RUFY1: variants seen among roughly 807,000 people sequenced by gnomAD.
The protein encoded by RUFY1 is RUN and FYVE domain-containing protein 1.
In RUFY1, 54 loss-of-function variants were observed where a neutral mutation model predicts 94.6. The ratio of observed to expected loss-of-function variants is 0.57; its 90% CI spans 0.46 to 0.72. The LOEUF is 0.72. Ranked by LOEUF, RUFY1 falls within the 30% of genes least tolerant of loss-of-function variation. The pLI is 0.00. For synonymous variants in RUFY1, 396 were observed against 347.3 expected (o/e 1.14, Z -1.56); for missense variants, 883 against 883.9 (o/e 1.00, Z 0.01).
At chr5:179,568,810 G>T (rs1435114358) in intron 4 of RUFY1, among the ~76,000 whole-genome samples, 1 of 152,164 alleles carries the variant, frequency 6.6e-6, no homozygotes, top group Non-Finnish European at 1.5e-5. Flanking sequence ...AGCAATATCA[G>T]GCAGGGGATG....
intron 8 of RUFY1, chr5:179,589,280 AGCAATAT>A (rs1425941485): frequency 2.5e-6 from 1 of 395,238 alleles, no homozygotes; most frequent in African/African-American, 2.1e-5. Flanking sequence ...GTCCACATTC[AGCAATAT>A]GCTATCATTT....
chr5:179,563,998 AAGTCT>A (rs1399329915), intron 3 of RUFY1, among the ~76,000 whole-genome samples: 1 of 151,928 alleles, frequency 6.6e-6, no homozygotes, highest in East Asian at 1.9e-4. Flanking sequence ...TGAGCCTCTC[AAGTCT>A]ACTGCCCTGC....
chr5:179,594,079 A>AGGTG (rs1581525975), intron 11 of RUFY1, among the ~76,000 whole-genome samples: 2 of 151,800 alleles, frequency 1.3e-5, no homozygotes, highest in South Asian at 2.1e-4. Flanking sequence ...CCGAGCGGGC[A>AGGTG]GATCACGAGG....
In RUFY1 at chr5:179,550,704, C is replaced by T. The variant is rs773509920; in HGVS notation, c.135C>T (p.Pro45=). The T allele has an allele frequency of 2.0e-6, 3 of 1,490,242 alleles. No individual in the cohort carries two copies. Among genetic ancestry groups the T allele is most frequent in the African/African-American group, 2.9e-5 (2 of 68,686 alleles). 92.3% of individuals were successfully genotyped at this position (1,490,242 alleles called of 1,614,324 possible). Residue 45 remains proline (P), a synonymous_variant, in exon 1 of 18, where the codon CCC becomes CCT. Coordinates refer to ENST00000319449, the MANE Select transcript of RUFY1 (RefSeq NM_025158.5). The part of the protein sequence containing the change: ...EFEIVDRSQL[P]GPGDLRSATR... ...AGATCGTGGACCGAAGCCAGCTGCC[C>T]GGCCCAGGCGACCTGCGGAGCGCAA...
intron 1 of RUFY1, among the ~76,000 whole-genome samples, chr5:179,553,983 G>GGGC (rs929155531): frequency 5.3e-4 from 80 of 152,240 alleles, no homozygotes; most frequent in African/African-American, 1.9e-3. Flanking sequence ...AATGGGCCAA[G>GGGC]GGCGGCTCGC....
intron 6 of RUFY1, among the ~76,000 whole-genome samples, chr5:179,579,669 T>TTTTTTTTTTTTTTTTTTTG: frequency 8.7e-6 from 1 of 114,512 alleles, no homozygotes; most frequent in Non-Finnish European, 1.9e-5. Flanking sequence ...TTTTTTTTTT[T>TTTTTTTTTTTTTTTTTTTG]TTTTTTTTTT....
chr5:179,575,854 T>A (rs1763575704), intron 5 of RUFY1, among the ~76,000 whole-genome samples: 1 of 152,114 alleles, frequency 6.6e-6, no homozygotes, highest in Non-Finnish European at 1.5e-5. Flanking sequence ...TGATCTCAGC[T>A]CACTGCAGCC....
In RUFY1 at chr5:179,550,604, G is replaced by C. The variant is rs770584049; in HGVS notation, c.35G>C (p.Arg12Pro). The change falls in exon 1 of 18, where the codon CGG becomes CCG. Residue 12 changes from arginine (R) to proline (P), a missense_variant. Arg to Pro is a moderately radical substitution (Grantham distance 103, BLOSUM62 -2). Coordinates refer to ENST00000319449, the MANE Select transcript of RUFY1 (RefSeq NM_025158.5). Reference sequence around the variant, plus strand: ...CGGGAAGGCGGCTGCGCTGCTGGGCGGGGGCGGGAGCTGGAGCCGGAGCTG... The same window carrying C: ...CGGGAAGGCGGCTGCGCTGCTGGGCCGGGGCGGGAGCTGGAGCCGGAGCTG... ...ADREGGCAAG[R>P]GRELEPELEP... The C allele has an allele frequency of 7.0e-6, 9 of 1,277,938 alleles. No individual in the cohort carries two copies. Among genetic ancestry groups the C allele is most frequent in the Non-Finnish European group, 4.9e-6 (5 of 1,022,452 alleles). The allele number at this position is 1,277,938 out of a possible 1,614,324, so 79.2% of individuals were successfully genotyped here.
chr5:179,589,502 G>C (rs7713696), intron 8 of RUFY1, 44 bp from the exon 9 acceptor site: 1 of 1,190,632 alleles, frequency 8.4e-7, no homozygotes, highest in Non-Finnish European at 1.3e-6. Context: ...TGAACAATAA[G>C]ATTAATTTTG....
chr5:179,564,447 A>C (rs1762677062), intron 3 of RUFY1, among the ~76,000 whole-genome samples: 1 of 139,132 alleles, frequency 7.2e-6, no homozygotes, highest in Non-Finnish European at 1.5e-5. Flanking sequence ...TTTTTAAGAC[A>C]GTCTCTCTGT....
chr5:179,608,190 G>T, intron 17 of RUFY1: 6 of 551,244 alleles, frequency 1.1e-5, no homozygotes, highest in Non-Finnish European at 1.4e-5. Context: ...GGTAGGGGAA[G>T]AGTTGGGTAT....
intron 13 of RUFY1, chr5:179,597,034 A>G: frequency 4.2e-6 from 1 of 237,650 alleles, no homozygotes. Context: ...TGCAAGCTTC[A>G]TATAATTTTG....
chr5:179,590,719 C>G (rs1029440754), intron 9 of RUFY1: 2 of 152,076 alleles, frequency 1.3e-5, no homozygotes, highest in South Asian at 2.1e-4. Flanking sequence ...ATCTCCTGAC[C>G]TCGTGATCCA....
intron 1 of RUFY1, among the ~76,000 whole-genome samples, chr5:179,558,870 A>G (rs957463063): frequency 6.6e-6 from 1 of 152,232 alleles, no homozygotes; most frequent in Non-Finnish European, 1.5e-5. Context: ...ATATTAATCA[A>G]TGCTGGTGAA....
In RUFY1 at chr5:179,550,661, A is replaced by G. The variant is rs935484790; in HGVS notation, c.92A>G (p.Glu31Gly). ...GGGCCGGGGCCCGGGTCAGCGCTTG[A>G]GCCGGGAGAAGAGTTTGAGATCGTG... ...EPGPGPGSAL[E>G]PGEEFEIVDR... Residue 31 changes from glutamate (E) to glycine (G), a missense_variant, in exon 1 of 18, where the codon GAG becomes GGG. Physicochemically the swap from Glu to Gly is moderately conservative, Grantham distance 98 (BLOSUM62 -2). Coordinates refer to ENST00000319449, the MANE Select transcript of RUFY1 (RefSeq NM_025158.5). The G allele has an allele frequency of 6.8e-7, 1 of 1,468,456 alleles. No individual in the cohort carries two copies. Among genetic ancestry groups the G allele is most frequent in the Non-Finnish European group, 8.9e-7 (1 of 1,117,656 alleles). 91.0% of individuals were successfully genotyped at this position (1,468,456 alleles called of 1,614,324 possible). A position where few individuals can be genotyped will look rare whatever the true frequency, so the allele number is the denominator to read the frequency against.
At chr5:179,579,504 G>C (rs900588993) in intron 6 of RUFY1, among the ~76,000 whole-genome samples, 1 of 151,416 alleles carries the variant, frequency 6.6e-6, no homozygotes, top group African/African-American at 2.4e-5. Context: ...CTAATTTTTT[G>C]TATTTTTAGT....
intron 8 of RUFY1, among the ~76,000 whole-genome samples, chr5:179,588,114 C>T (rs551144744): frequency 2.0e-5 from 3 of 152,160 alleles, no homozygotes; most frequent in Non-Finnish European, 4.4e-5. Context: ...TTCTTCCCTT[C>T]GGGCAAGTAA....
rs753628276 is a variant in RUFY1, at chr5:179,609,509, C to T, written c.2117C>T (p.Thr706Met). ...HTLLLQRCSS[T>M]AS is the part of the protein sequence containing the mutation. Reference sequence around the variant, plus strand: ...CTGCTCCTGCAGCGCTGCTCCTCCACGGCCTCCTGAACGTCCGTCCTCAGG... The same window carrying T: ...CTGCTCCTGCAGCGCTGCTCCTCCATGGCCTCCTGAACGTCCGTCCTCAGG... The change falls in exon 18 of 18, where the codon ACG becomes ATG. Residue 706 changes from threonine to methionine, a missense_variant. Physicochemically the swap from Thr to Met is moderately conservative, Grantham distance 81 (BLOSUM62 -1). Transcript: ENST00000319449. 1.3e-5 allele frequency: 21 copies of T among 1,603,910 alleles called. No individual in the cohort carries two copies. Among genetic ancestry groups the T allele is most frequent in the Admixed American group, 1.2e-4 (7 of 59,376 alleles).
chr5:179,567,323 A>T (rs755924613), intron 3 of RUFY1, 138 bp from the exon 4 acceptor site: 2 of 667,200 alleles, frequency 3.0e-6, no homozygotes, highest in Admixed American at 2.6e-5. Context: ...TCCCTCCCCA[A>T]CCCCAAACAG....
Sources: allele counts gnomAD v4.1 joint callset (sites outside exome capture counted in the v4.1 genomes callset), GRCh38; gene constraint gnomAD v4.1.1; transcripts MANE v1.5; gene names NCBI Gene and HGNC (gene_info 2026-07-23, HGNC 2026-07-21).